TULP4: variants seen among roughly 807,000 people sequenced by gnomAD.
TULP4 encodes the protein TUB like protein 4.
TULP4 carries 16 observed loss-of-function variants against 129.0 expected under a neutral mutation model. The ratio of observed to expected loss-of-function variants is 0.12; its 90% CI spans 0.08 to 0.19. The LOEUF (loss-of-function observed/expected upper bound fraction) is 0.19. Ranked by LOEUF, TULP4 falls within the 10% of genes least tolerant of loss-of-function variation. The pLI, the probability that TULP4 is intolerant of heterozygous loss-of-function variation, is 1.00. For synonymous variants in TULP4, 998 were observed against 854.0 expected (o/e 1.17, Z -2.94); for missense variants, 1,842 against 2,059.1 (o/e 0.89, Z 2.04).
chr6:158,392,314 G>A (rs1411588387), intron 1 of TULP4, among the ~76,000 whole-genome samples: 1 of 152,188 alleles, frequency 6.6e-6, no homozygotes, highest in African/African-American at 2.4e-5. Flanking sequence ...CCTCCCACTA[G>A]GTCCCTCCCA....
chr6:158,356,269 C>T (rs1443729575), intron 1 of TULP4, among the ~76,000 whole-genome samples: 1 of 151,946 alleles, frequency 6.6e-6, no homozygotes, highest in African/African-American at 2.4e-5. Flanking sequence ...AGAAAGTGGC[C>T]TAGGGGGTCC....
intron 2 of TULP4, among the ~76,000 whole-genome samples, chr6:158,419,955 A>G (rs1778298751): frequency 6.6e-6 from 1 of 152,238 alleles, no homozygotes; most frequent in Non-Finnish European, 1.5e-5. Flanking sequence ...GGACATTTAT[A>G]GGTTCTTAAT....
intron 6 of TULP4, among the ~76,000 whole-genome samples, chr6:158,464,996 G>C (rs649930): frequency 0.42 from 63,285 of 151,820 alleles, 14,444 homozygotes; most frequent in African/African-American, 0.62. Context: ...CAACGTGATG[G>C]TATGTCATAA....
chr6:158,431,831 G>A (rs1485996080), intron 3 of TULP4, among the ~76,000 whole-genome samples: 1 of 152,126 alleles, frequency 6.6e-6, no homozygotes, highest in Non-Finnish European at 1.5e-5. Flanking sequence ...ATGCTGACGT[G>A]CCTGGCCTTG....
At position 158,494,748 on chromosome 6, in the gene TULP4, C is replaced by G; in HGVS notation, c.1777-5C>G. 6.2e-7 allele frequency: 1 copy of G among 1,608,946 alleles called. No individual in the cohort carries two copies. The highest frequency in any genetic ancestry group is 8.5e-7 in the Non-Finnish European group (1 of 1,177,478). On this transcript the variant is annotated splice_region_variant and splice_polypyrimidine_tract_variant and intron_variant, in intron 10 of 13. Transcript: ENST00000367097. ...TTCTTCTTTTTTCTTTTCTTCCTAC[C>G]GCAGCACAACTATCTTGCTCAGGTC...
chr6:158,383,014 T>G (rs1241018198), intron 1 of TULP4, among the ~76,000 whole-genome samples: 1 of 152,180 alleles, frequency 6.6e-6, no homozygotes, highest in Non-Finnish European at 1.5e-5. Context: ...GGTTCAAGGA[T>G]CAAGGTCGCA....
At chr6:158,295,446 C>A (rs976392191) in intron 1 of TULP4, among the ~76,000 whole-genome samples, 2 of 151,422 alleles carry the variant, frequency 1.3e-5, no homozygotes, top group Non-Finnish European at 2.9e-5. Context: ...CTGTTTATAT[C>A]AAGTTTCTCA....
intron 1 of TULP4, among the ~76,000 whole-genome samples, chr6:158,392,794 CTTTTTT>C (rs773565295): frequency 4.0e-4 from 22 of 54,648 alleles, no homozygotes; most frequent in South Asian, 3.8e-3. Flanking sequence ...ATTTGTATTT[CTTTTTT>C]TTTTTTTTTT....
chr6:158,397,990 T>C (rs1455536925), intron 1 of TULP4: 1 of 152,194 alleles, frequency 6.6e-6, no homozygotes, highest in African/African-American at 2.4e-5. Flanking sequence ...TTGAAAATAG[T>C]AGGTTTATTT....
intron 1 of TULP4, among the ~76,000 whole-genome samples, chr6:158,377,732 C>T (rs1777226137): frequency 6.6e-6 from 1 of 152,180 alleles, no homozygotes; most frequent in Non-Finnish European, 1.5e-5. Flanking sequence ...CTACCACGTA[C>T]TAGGACTTTT....
intron 1 of TULP4, chr6:158,242,276 A>G (rs1031019385): frequency 6.5e-7 from 1 of 1,542,850 alleles, no homozygotes; most frequent in Middle Eastern, 2.2e-4. Context: ...ATCAGTGCAC[A>G]TGCAGTGTTT....
chr6:158,458,377 C>G (rs948784108), intron 5 of TULP4, among the ~76,000 whole-genome samples: 9 of 152,252 alleles, frequency 5.9e-5, no homozygotes, highest in Non-Finnish European at 1.3e-4. Context: ...CCCACACCCC[C>G]CAAAATCATT....
rs911833409 is a variant in TULP4 at position 158,452,065 on chromosome 6, T to C, written c.725-69T>C. 8.8e-6 allele frequency: 14 copies of C among 1,585,692 alleles called. 1 individual carries two copies. In the African/African-American group the frequency reaches 9.4e-5, roughly 11 times the overall value. On this transcript the variant is annotated intron_variant, in intron 4 of 13. Transcript: ENST00000367097. ...AATTTCTAAGGCACCATGCAAGATTTCAGCTTTGGGAACCTGGATTTGGGT... is the reference window on the plus strand; with the variant it reads ...AATTTCTAAGGCACCATGCAAGATTCCAGCTTTGGGAACCTGGATTTGGGT...
chr6:158,297,788 C>T lies in TULP4; in HGVS notation n.117-14263C>T, dbSNP rs529396718. Among the ~76,000 whole-genome samples the T allele has an allele frequency of 3.3e-4, 50 of 152,196 alleles. No homozygotes were observed. The South Asian group carries it at 5.4e-3, about 16-fold the overall frequency. ...ATAAGGTTCTATGTTTAGCGGTGCA[C>T]GTATTATCTTGATAAACATCTTAAA... On this transcript the variant is annotated intron_variant and non_coding_transcript_variant, in intron 1 of 1. Transcript: ENST00000432358.
chr6:158,308,132 G>A (rs1476729964), upstream of TULP4, among the ~76,000 whole-genome samples: 1 of 99,328 alleles, frequency 1.0e-5, no homozygotes, highest in East Asian at 3.0e-4. Context: ...GGTTTTCCTA[G>A]GCAGAGGAAC....
At chr6:158,353,598 T>A (rs1047632544) in intron 1 of TULP4, among the ~76,000 whole-genome samples, 1 of 152,266 alleles carries the variant, frequency 6.6e-6, no homozygotes, top group Non-Finnish European at 1.5e-5. Flanking sequence ...AAATACCTTT[T>A]CTATTTTCAG....
chr6:158,351,341 G>A lies in TULP4; in HGVS notation c.252+37073G>A, dbSNP rs150358422. On this transcript the variant is annotated intron_variant, in intron 1 of 13. Transcript: ENST00000367097. The stretch of plus-strand genomic sequence containing the variant: ...TTGCACTATATATTTTTGTGCCTCA[G>A]TTCTCTGTGAAGTCTTCTTATGAGG... 4.9e-3 allele frequency among the ~76,000 whole-genome samples: 745 copies of A among 152,284 alleles called. 3 individuals are homozygous for A. Among genetic ancestry groups the A allele is most frequent in the Non-Finnish European group, 7.9e-3 (539 of 68,026 alleles).
chr6:158,296,246 C>T (rs1169483141), intron 1 of TULP4, among the ~76,000 whole-genome samples: 1 of 151,910 alleles, frequency 6.6e-6, no homozygotes, highest in Non-Finnish European at 1.5e-5. Flanking sequence ...ACTGTAGCCT[C>T]GATTTCCTGG....
chr6:158,435,713 A>C (rs1056493073), intron 3 of TULP4, among the ~76,000 whole-genome samples: 1 of 151,952 alleles, frequency 6.6e-6, no homozygotes, highest in African/African-American at 2.4e-5. Context: ...CATCACCGTC[A>C]CCACCACCAC....
Sources: allele counts gnomAD v4.1 joint callset (sites outside exome capture counted in the v4.1 genomes callset), GRCh38; gene constraint gnomAD v4.1.1; transcripts MANE v1.5; gene names NCBI Gene and HGNC (gene_info 2026-07-23, HGNC 2026-07-21).